Variants in CCSER2 observed in about 807,000 individuals in gnomAD.
The protein encoded by CCSER2 is coiled-coil serine rich protein 2, also known as serine-rich coiled-coil domain-containing protein 2.
In CCSER2, 46 loss-of-function variants were observed where a neutral mutation model predicts 92.3. That is an observed-to-expected ratio of 0.50 (90% CI 0.39 to 0.64). The LOEUF (loss-of-function observed/expected upper bound fraction) is 0.64, where lower values mean the gene tolerates loss of function less well. Ranked by LOEUF, CCSER2 falls within the 30% of genes least tolerant of loss-of-function variation. The pLI, the probability that CCSER2 is intolerant of heterozygous loss-of-function variation, is 0.00. For synonymous variants in CCSER2, 433 were observed against 431.4 expected (o/e 1.00, Z -0.04); for missense variants, 1,244 against 1,238.9 (o/e 1.00, Z -0.06).
intron 3 of CCSER2, among the ~76,000 whole-genome samples, chr10:84,403,890 C>T (rs1399403265): frequency 6.6e-6 from 1 of 152,104 alleles, no homozygotes; most frequent in Non-Finnish European, 1.5e-5. Context: ...CTGGAAAAAG[C>T]CTCTTTGTGC....
At chr10:84,372,503 CT>C (rs767771507) in intron 2 of CCSER2, 34 bp downstream of exon 2, 1 of 1,217,334 alleles carries the variant, frequency 8.2e-7, no homozygotes, top group South Asian at 1.6e-5. Flanking sequence ...TTTTTGCTTT[CT>C]TTTAAATAAT....
chr10:84,337,361 ATGT>A (rs1438468917), intron 1 of CCSER2, among the ~76,000 whole-genome samples: 1 of 152,188 alleles, frequency 6.6e-6, no homozygotes, highest in African/African-American at 2.4e-5. Flanking sequence ...GCCAAGTGAA[ATGT>A]TGTAAGAAGG....
intron 1 of CCSER2, among the ~76,000 whole-genome samples, chr10:84,356,992 C>T (rs1021675675): frequency 2.0e-5 from 3 of 152,068 alleles, no homozygotes; most frequent in African/African-American, 7.2e-5. Flanking sequence ...TGTAAAAAAC[C>T]AGTTAGGTGC....
chr10:84,371,126 G>A lies in CCSER2; in HGVS notation c.74G>A (p.Ser25Asn). Residue 25 changes from serine to asparagine, a missense_variant, in exon 2 of 10, where the codon AGT (serine) becomes AAT (asparagine). Ser to Asn is a conservative substitution (Grantham distance 46). Transcript: ENST00000372088. ...LPKYGTKSVR[S>N]TLQPMPNGTP... ...AAGTATGGAACAAAATCTGTAAGAAGTACATTGCAGCCAATGCCAAATGGG... is the reference window on the plus strand; with the variant it reads ...AAGTATGGAACAAAATCTGTAAGAAATACATTGCAGCCAATGCCAAATGGG... 6.2e-7 allele frequency: 1 copy of A among 1,612,652 alleles called. No individual in the cohort carries two copies. The highest frequency in any genetic ancestry group is 8.5e-7 in the Non-Finnish European group (1 of 1,179,582).
chr10:84,483,609 ATTTT>A (rs1183221758), intron 9 of CCSER2, among the ~76,000 whole-genome samples: 1 of 151,736 alleles, frequency 6.6e-6, no homozygotes, highest in Non-Finnish European at 1.5e-5. Flanking sequence ...ACTCCACTCT[ATTTT>A]TTCTTGCCTG....
At chr10:84,392,316 CAAA>C (rs71473611) in intron 3 of CCSER2, among the ~76,000 whole-genome samples, 9 of 53,850 alleles carry the variant, frequency 1.7e-4, no homozygotes, top group Non-Finnish European at 1.2e-4. Flanking sequence ...TCTGAAGAAG[CAAA>C]AAAAAAAAAA....
chr10:84,404,932 TG>T (rs1173002678), intron 3 of CCSER2, among the ~76,000 whole-genome samples: 1 of 152,148 alleles, frequency 6.6e-6, no homozygotes, highest in Non-Finnish European at 1.5e-5. Flanking sequence ...AGTAATGTGG[TG>T]TTCATGAATT....
chr10:84,432,498 G>A (rs1157776434), intron 5 of CCSER2, among the ~76,000 whole-genome samples: 1 of 152,160 alleles, frequency 6.6e-6, no homozygotes, highest in East Asian at 1.9e-4. Flanking sequence ...GTGAGAACAT[G>A]TGGTATTTGG....
chr10:84,463,101 A>G (rs1210466746), intron 6 of CCSER2, among the ~76,000 whole-genome samples: 2 of 152,154 alleles, frequency 1.3e-5, no homozygotes, highest in African/African-American at 4.8e-5. Context: ...TGAACCATTG[A>G]GCATGTGGTT....
rs541027352 is a variant in CCSER2, at chr10:84,516,355, C to T, written c.*2088C>T. 1.3e-5 allele frequency: 2 copies of T among 152,318 alleles called. No individual in the cohort carries two copies. Among genetic ancestry groups the T allele is most frequent in the African/African-American group, 4.8e-5 (2 of 41,562 alleles). The allele number at this position is 152,318 out of a possible 1,614,324, so 9.4% of individuals were successfully genotyped here. On this transcript the variant is annotated 3_prime_UTR_variant, in exon 10 of 10. Transcript: ENST00000372088. ...GAACGTTCTTCACATAGTCCAGATA[C>T]TGTTAGAGTCAGGCAAATCAGCAAA...
At chr10:84,386,630 A>T (rs1392697779) in intron 3 of CCSER2, among the ~76,000 whole-genome samples, 17 of 152,296 alleles carry the variant, frequency 1.1e-4, no homozygotes, top group African/African-American at 3.6e-4. Context: ...GAGGCACAAG[A>T]ATCACTCGAA....
At chr10:84,364,049 A>T (rs1459367291) in intron 1 of CCSER2, among the ~76,000 whole-genome samples, 2 of 152,012 alleles carry the variant, frequency 1.3e-5, no homozygotes, top group African/African-American at 4.8e-5. Context: ...TTATGTAAAC[A>T]TAGAAAAGTT....
chr10:84,507,432 A>G (rs1440682773), intron 9 of CCSER2: 1 of 274,832 alleles, frequency 3.6e-6, no homozygotes, highest in East Asian at 1.8e-4. Flanking sequence ...AGCCTGCATG[A>G]AAGTACAGGC....
chr10:84,445,752 A>C (rs1250069825), intron 6 of CCSER2, among the ~76,000 whole-genome samples: 1 of 152,216 alleles, frequency 6.6e-6, no homozygotes, highest in Non-Finnish European at 1.5e-5. Flanking sequence ...TCTTTTGCTT[A>C]ATATTATATT....
intron 3 of CCSER2, among the ~76,000 whole-genome samples, chr10:84,379,523 A>G (rs1840779543): frequency 6.6e-6 from 1 of 152,176 alleles, no homozygotes; most frequent in South Asian, 2.1e-4. Flanking sequence ...CTTCTCTGGC[A>G]TATGAATGAA....
In CCSER2 at chr10:84,518,438, A is replaced by G. The variant is rs1849668318; in HGVS notation, c.*4171A>G. The G allele has an allele frequency of 1.3e-5, 2 of 152,658 alleles. No homozygotes were observed. The highest frequency in any genetic ancestry group is 4.8e-5 in the African/African-American group (2 of 41,460). The allele number at this position is 152,658 out of a possible 1,614,324, so 9.5% of individuals were successfully genotyped here. On this transcript the variant is annotated 3_prime_UTR_variant, in exon 10 of 10. Coordinates refer to ENST00000372088, the MANE Select transcript of CCSER2 (RefSeq NM_001284240.2). Reference sequence around the variant, plus strand: ...CTGTATATTAGAATTTGCCTGTAAAATGAATTCTAAAAAGCAGATGTAAAG... The same window carrying G: ...CTGTATATTAGAATTTGCCTGTAAAGTGAATTCTAAAAAGCAGATGTAAAG...
At chr10:84,378,654 C>T (rs1387155616) in intron 3 of CCSER2, among the ~76,000 whole-genome samples, 1 of 152,050 alleles carries the variant, frequency 6.6e-6, no homozygotes, top group Non-Finnish European at 1.5e-5. Flanking sequence ...AGGCTGGTCT[C>T]GAACTCCTGA....
At chr10:84,480,582 G>T (rs906361285) in intron 9 of CCSER2, among the ~76,000 whole-genome samples, 4 of 151,982 alleles carry the variant, frequency 2.6e-5, no homozygotes, top group Admixed American at 2.0e-4. Context: ...AAATATGTAC[G>T]TTTAAAAGAG....
At chr10:84,466,963 C>T (rs1846483480) in intron 7 of CCSER2, among the ~76,000 whole-genome samples, 1 of 152,042 alleles carries the variant, frequency 6.6e-6, no homozygotes, top group Admixed American at 6.6e-5. Context: ...CTAACTGCAT[C>T]TCTTCCTCCT....
Sources: gnomAD v4.1 joint callset for allele counts (sites outside exome capture counted in the v4.1 genomes callset) on GRCh38, gnomAD v4.1.1 for gene constraint, MANE v1.5 for transcripts, NCBI Gene and HGNC (gene_info 2026-07-23, HGNC 2026-07-21) for gene names.